The following TOP1 variants were observed in gnomAD, a reference collection of about 807,000 sequenced individuals.
The protein encoded by TOP1 is DNA topoisomerase 1.
In TOP1, 10 loss-of-function variants were observed where a neutral mutation model predicts 111.1. The observed-to-expected ratio is 0.09, with a 90% CI of 0.06 to 0.15. The LOEUF (loss-of-function observed/expected upper bound fraction) is 0.15, where lower values mean the gene tolerates loss of function less well. Among genes scored for constraint, TOP1 ranks in the 10% least tolerant of loss-of-function variants. The pLI is 1.00. For missense variants in TOP1, 474 were observed against 926.7 expected, an observed-to-expected ratio of 0.51 and a Z score of 6.34; for synonymous variants, 271 against 302.9, an observed-to-expected ratio of 0.89 and a Z score of 1.10.
Position 41,098,836 on chromosome 20 carries a change from A to G in TOP1, c.975+499A>G, listed in dbSNP as rs2034018872. The G allele has an allele frequency of 6.9e-6, 1 of 144,472 alleles. No individual in the cohort carries two copies. The highest frequency in any genetic ancestry group is 6.9e-5 in the Admixed American group (1 of 14,464). The allele number at this position is 144,472 out of a possible 1,614,324, so 8.9% of individuals were successfully genotyped here. A position where few individuals can be genotyped will look rare whatever the true frequency, so the allele number is the denominator to read the frequency against. ...CTTCTACAGGCTGCCTGTTTTTGTA[A>G]AAAAAAAAAAAAAAAATTTATTGGA... is the stretch of plus-strand genomic sequence containing the variant. On this transcript the variant is annotated intron_variant, in intron 11 of 20. Transcript: ENST00000361337. The surrounding 1 kb of genome is among the most constrained non-coding windows in gnomAD (Gnocchi z 5.7).
chr20:41,108,397 A>G (rs2034181125), intron 13 of TOP1, among the ~76,000 whole-genome samples: 1 of 152,240 alleles, frequency 6.6e-6, no homozygotes, highest in Admixed American at 6.5e-5. Flanking sequence ...ACAAAGTTGT[A>G]GAACAGCTGA....
chr20:41,081,901 C>T (rs1001959348), intron 7 of TOP1, among the ~76,000 whole-genome samples: 9 of 152,186 alleles, frequency 5.9e-5, no homozygotes, highest in Admixed American at 3.3e-4. Context: ...GGCCTATAAC[C>T]TTCCTCAAAA....
intron 11 of TOP1, among the ~76,000 whole-genome samples, chr20:41,099,670 T>A (rs2034032000): frequency 6.6e-6 from 1 of 152,220 alleles, no homozygotes; most frequent in Non-Finnish European, 1.5e-5. Context: ...AACTGCTGTT[T>A]AATTAAATGG....
At chr20:41,091,886 G>A (rs537934474) in intron 8 of TOP1, among the ~76,000 whole-genome samples, 6 of 151,930 alleles carry the variant, frequency 3.9e-5, no homozygotes, top group African/African-American at 9.7e-5. Context: ...TCTTATGTTC[G>A]ACCATTTTAA....
Position 41,092,499 on chromosome 20 carries a change from C to T in TOP1, c.642C>T (p.Gly214=). ...KWWEEERYPE[G]IKWKFLEHKG... is the part of the protein sequence containing the mutation. The stretch of plus-strand genomic sequence containing the variant: ...GGGAAGAAGAGCGCTATCCTGAAGG[C>T]ATCAAGTGGAAATTCCTAGAACATA... Residue 214 remains glycine, a synonymous_variant, in exon 9 of 21, where the codon GGC becomes GGT. Coordinates refer to ENST00000361337, the MANE Select transcript of TOP1 (RefSeq NM_003286.4). The surrounding 1 kb of genome is among the most constrained non-coding windows in gnomAD (Gnocchi z 4.3). The T allele has an allele frequency of 1.2e-6, 2 of 1,601,738 alleles. No individual in the cohort carries two copies. Among genetic ancestry groups the T allele is most frequent in the Non-Finnish European group, 1.7e-6 (2 of 1,174,412 alleles).
At position 41,097,618 on chromosome 20, in the gene TOP1, G is replaced by A. The variant is rs963390146; in HGVS notation, c.852+277G>A. 5.3e-5 allele frequency among the ~76,000 whole-genome samples: 8 copies of A among 152,182 alleles called. No individual in the cohort carries two copies. The highest frequency in any genetic ancestry group is 1.7e-4 in the African/African-American group (7 of 41,450). On this transcript the variant is annotated intron_variant, in intron 10 of 20. Coordinates refer to ENST00000361337, the MANE Select transcript of TOP1 (RefSeq NM_003286.4). This position sits in a 1 kb window ranked among gnomAD's most constrained non-coding sequence, Gnocchi z 4.2. The stretch of plus-strand genomic sequence containing the variant: ...AACAGAAAACCTCAACTCCAGTTGC[G>A]CACAGGAAAGTTTGTCGCTGCAGGA...
intron 2 of TOP1, among the ~76,000 whole-genome samples, chr20:41,043,737 C>T (rs1306828869): frequency 5.9e-5 from 9 of 152,194 alleles, no homozygotes; most frequent in Admixed American, 1.3e-4. Context: ...GCTGTGGATC[C>T]GCACGTAGGC....
In TOP1 at chr20:41,079,322, A is replaced by G. The variant is rs2033762909; in HGVS notation, c.336-763A>G. ...AGGCCAGGGAGCATCCCATGGCTGCAGTGATTGCTGGGCTCTATGGTGTTT... is the reference window on the plus strand; with the variant it reads ...AGGCCAGGGAGCATCCCATGGCTGCGGTGATTGCTGGGCTCTATGGTGTTT... On this transcript the variant is annotated intron_variant, in intron 5 of 20. Coordinates refer to ENST00000361337, the MANE Select transcript of TOP1 (RefSeq NM_003286.4). This position sits in a 1 kb window ranked among gnomAD's most constrained non-coding sequence, Gnocchi z 4.0. 6.6e-6 allele frequency among the ~76,000 whole-genome samples: 1 copy of G among 152,206 alleles called. No individual in the cohort carries two copies. Among genetic ancestry groups the G allele is most frequent in the Non-Finnish European group, 1.5e-5 (1 of 68,038 alleles).
rs1303464903 is a variant in TOP1, at chr20:41,100,376, G to A, written c.1163+133G>A. 17 of 657,066 alleles carry A rather than the reference G, an allele frequency of 2.6e-5. No individual in the cohort carries two copies. The highest frequency in any genetic ancestry group is 9.0e-5 in the African/African-American group (5 of 55,264). The allele number at this position is 657,066 out of a possible 1,614,324, so 40.7% of individuals were successfully genotyped here. On this transcript the variant is annotated intron_variant, in intron 12 of 20. Transcript: ENST00000361337. The surrounding 1 kb of genome is among the most constrained non-coding windows in gnomAD (Gnocchi z 4.4). The stretch of plus-strand genomic sequence containing the variant: ...TTAAGAGCAGGACAGTATTTCATGC[G>A]TAGGTCTCCAGATGTTTTTGAGGTA...
chr20:41,123,850 G>A lies in TOP1; in HGVS notation c.*553G>A, dbSNP rs1415911788. 3 of 232,636 alleles carry A rather than the reference G, an allele frequency of 1.3e-5. No homozygotes were observed. Among genetic ancestry groups the A allele is most frequent in the Non-Finnish European group, 2.6e-5 (3 of 117,538 alleles). The allele number at this position is 232,636 out of a possible 1,614,324, so 14.4% of individuals were successfully genotyped here. A position where few individuals can be genotyped will look rare whatever the true frequency, so the allele number is the denominator to read the frequency against. On this transcript the variant is annotated 3_prime_UTR_variant, in exon 21 of 21. Coordinates refer to ENST00000361337, the MANE Select transcript of TOP1 (RefSeq NM_003286.4). The surrounding 1 kb of genome is among the most constrained non-coding windows in gnomAD (Gnocchi z 5.8). ...TTTTCATTAAACTTGAAGCAGTCGT[G>A]GCTTTGGCAGTGTTTTGGTTCAGAC...
chr20:41,086,277 G>GA (rs899145463), intron 8 of TOP1, among the ~76,000 whole-genome samples: 1 of 147,864 alleles, frequency 6.8e-6, no homozygotes, highest in African/African-American at 2.5e-5. Context: ...AAAAAAAAAA[G>GA]AAAAAAAACC....
rs1488783806 is a variant in TOP1, at chr20:41,079,828, G to A, written c.336-257G>A. On this transcript the variant is annotated intron_variant, in intron 5 of 20. Transcript: ENST00000361337. The surrounding 1 kb of genome is among the most constrained non-coding windows in gnomAD (Gnocchi z 4.0). The stretch of plus-strand genomic sequence containing the variant: ...CTGGCAAAGATAGCTAAGAAATAGT[G>A]AGAAAGAATTCTGACTTAGAATAAA... Among the ~76,000 whole-genome samples the A allele has an allele frequency of 6.6e-6, 1 of 152,170 alleles. No homozygotes were observed. The highest frequency in any genetic ancestry group is 6.5e-5 in the Admixed American group (1 of 15,272).
At chr20:41,052,533 T>C (rs2033418248) in intron 2 of TOP1, among the ~76,000 whole-genome samples, 1 of 152,168 alleles carries the variant, frequency 6.6e-6, no homozygotes, top group Admixed American at 6.6e-5. Flanking sequence ...TCATTTTGGG[T>C]TTAGGCCAGC....
At position 41,124,099 on chromosome 20, in the gene TOP1, A is replaced by G. The variant is rs2034459382; in HGVS notation, c.*802A>G. 1 of 233,068 alleles carries G rather than the reference A, an allele frequency of 4.3e-6. No individual in the cohort carries two copies. The highest frequency in any genetic ancestry group is 8.5e-6 in the Non-Finnish European group (1 of 117,794). 14.4% of individuals were successfully genotyped at this position (233,068 alleles called of 1,614,324 possible). ...CATTTTCCCATCATCCTTTGTTCTG[A>G]GCATTCGCTGTACCCTTTAAGATAT... On this transcript the variant is annotated 3_prime_UTR_variant, in exon 21 of 21. Coordinates refer to ENST00000361337, the MANE Select transcript of TOP1 (RefSeq NM_003286.4). The surrounding 1 kb of genome is among the most constrained non-coding windows in gnomAD (Gnocchi z 5.4).
At chr20:41,054,064 G>C (rs2033438457) in intron 2 of TOP1, among the ~76,000 whole-genome samples, 1 of 152,162 alleles carries the variant, frequency 6.6e-6, no homozygotes, top group Non-Finnish European at 1.5e-5. Flanking sequence ...GTGAAACTTA[G>C]AGGTGATATA....
intron 2 of TOP1, among the ~76,000 whole-genome samples, chr20:41,056,916 T>TA (rs780045513): frequency 2.6e-5 from 4 of 152,246 alleles, no homozygotes; most frequent in African/African-American, 9.6e-5. Flanking sequence ...GCAGTTGCTT[T>TA]AAAAAACTTG....
intron 3 of TOP1, among the ~76,000 whole-genome samples, chr20:41,062,430 G>A (rs2033556678): frequency 6.6e-6 from 1 of 152,152 alleles, no homozygotes; most frequent in Non-Finnish European, 1.5e-5. Context: ...ATTTCTTTGG[G>A]AATCATGTAT....
chr20:41,110,408 G>C lies in TOP1; in HGVS notation c.1309-2374G>C, dbSNP rs2034216731. Among the ~76,000 whole-genome samples, 1 of 152,234 alleles carries C rather than the reference G, an allele frequency of 6.6e-6. No individual in the cohort carries two copies. Among genetic ancestry groups the C allele is most frequent in the Non-Finnish European group, 1.5e-5 (1 of 68,036 alleles). ...TAATCAGATTGAAGGATCAGTGGTT[G>C]CTTGGTGGAAATTGACTGAGAAGGG... On this transcript the variant is annotated intron_variant, in intron 13 of 20. Transcript: ENST00000361337. This position sits in a 1 kb window ranked among gnomAD's most constrained non-coding sequence, Gnocchi z 4.2.
Position 41,122,537 on chromosome 20 carries a change from G to T in TOP1, c.2195+382G>T, listed in dbSNP as rs572511414. Among the ~76,000 whole-genome samples the T allele has an allele frequency of 4.2e-4, 64 of 152,306 alleles. No individual in the cohort carries two copies. Among genetic ancestry groups the T allele is most frequent in the African/African-American group, 1.4e-3 (57 of 41,568 alleles). On this transcript the variant is annotated intron_variant, in intron 20 of 20. Coordinates refer to ENST00000361337, the MANE Select transcript of TOP1 (RefSeq NM_003286.4). This position sits in a 1 kb window ranked among gnomAD's most constrained non-coding sequence, Gnocchi z 5.4. Reference sequence around the variant, plus strand: ...TCGTTGAATTTTTTTGCAGTTGAAGGTAGGAACAAGAGATAAAGATGAGAA... The same window carrying T: ...TCGTTGAATTTTTTTGCAGTTGAAGTTAGGAACAAGAGATAAAGATGAGAA...
Sources: gnomAD v4.1 joint callset for allele counts (sites outside exome capture counted in the v4.1 genomes callset) on GRCh38, gnomAD v4.1.1 for gene constraint, Gnocchi (gnomAD v3.1) non-coding constraint, MANE v1.5 for transcripts, NCBI Gene and HGNC (gene_info 2026-07-23, HGNC 2026-07-21) for gene names.